ROBO2: variants seen among roughly 807,000 people sequenced by gnomAD.
ROBO2 encodes the protein roundabout guidance receptor 2, also known as roundabout homolog 2.
In ROBO2, 53 loss-of-function variants were observed where a neutral mutation model predicts 160.8. The ratio of observed to expected loss-of-function variants is 0.33; its 90% confidence interval spans 0.26 to 0.41. ROBO2 has a LOEUF of 0.41. Among genes scored for constraint, ROBO2 ranks in the 10% least tolerant of loss-of-function variants. The pLI is 1.00. For synonymous variants in ROBO2, 664 were observed against 611.7 expected (o/e 1.09, Z -1.26); for missense variants, 1,577 against 1,722.4 (o/e 0.92, Z 1.49).
chr3:77,125,375 C>T (rs981569519), intron 2 of ROBO2, among the ~76,000 whole-genome samples: 1 of 152,108 alleles, frequency 6.6e-6, no homozygotes, highest in African/African-American at 2.4e-5. Context: ...CTGTCCAGGA[C>T]TTATATCATC....
At position 76,932,124 on chromosome 3, in the gene ROBO2, C is replaced by CA. The variant is rs965420688; in HGVS notation, c.110-165882dup. Among the ~76,000 whole-genome samples, 59 of 151,060 alleles carry CA rather than the reference C, an allele frequency of 3.9e-4. No homozygotes were observed. In the East Asian group the frequency reaches 6.8e-3, roughly 17 times the overall value. ...CTTAGGACTTCCAAACATAGACTACCAAAAAAAATGGCATATAAAAAATAA... is the reference window on the plus strand; with the variant it reads ...CTTAGGACTTCCAAACATAGACTACCAAAAAAAAATGGCATATAAAAAATAA... On this transcript the variant is annotated intron_variant, in intron 2 of 26. Coordinates refer to the ROBO2 transcript ENST00000487694.
chr3:77,122,412 C>T (rs1330273988), intron 2 of ROBO2, among the ~76,000 whole-genome samples: 3 of 152,104 alleles, frequency 2.0e-5, no homozygotes, highest in African/African-American at 4.8e-5. Flanking sequence ...TCATCCATGC[C>T]GATGTGTAAA....
At chr3:77,392,581 A>G (rs753442757) in intron 2 of ROBO2, among the ~76,000 whole-genome samples, 1 of 152,176 alleles carries the variant, frequency 6.6e-6, no homozygotes, top group Non-Finnish European at 1.5e-5. Context: ...TGCAGTAATA[A>G]ATATGTGTTC....
chr3:77,510,466 G>A (rs1244622577), intron 5 of ROBO2, among the ~76,000 whole-genome samples: 1 of 152,036 alleles, frequency 6.6e-6, no homozygotes, highest in Non-Finnish European at 1.5e-5. Flanking sequence ...CAAAGGCAGA[G>A]CCATTTCAAA....
At chr3:76,792,541 A>T (rs1388857359) in intron 2 of ROBO2, among the ~76,000 whole-genome samples, 1 of 151,782 alleles carries the variant, frequency 6.6e-6, no homozygotes, top group Non-Finnish European at 1.5e-5. Context: ...GTTCCTTTTA[A>T]TTATAAATAA....
At chr3:75,959,466 A>C (rs995722591) in intron 2 of ROBO2, among the ~76,000 whole-genome samples, 1 of 151,768 alleles carries the variant, frequency 6.6e-6, no homozygotes. Flanking sequence ...GGTCTCTAGG[A>C]TGGAGCTACA....
chr3:76,006,247 T>A (rs979512749), intron 2 of ROBO2, among the ~76,000 whole-genome samples: 2 of 152,174 alleles, frequency 1.3e-5, no homozygotes, highest in Non-Finnish European at 2.9e-5. Context: ...TTGAATTTGT[T>A]ACTTGAAGTG....
chr3:77,047,144 A>T (rs1285818494), intron 1 of ROBO2, among the ~76,000 whole-genome samples: 1 of 152,190 alleles, frequency 6.6e-6, no homozygotes, highest in Non-Finnish European at 1.5e-5. Context: ...GTAACCAGAA[A>T]AATGGCATGA....
At chr3:77,269,769 C>T (rs948967729) in intron 2 of ROBO2, among the ~76,000 whole-genome samples, 1 of 152,104 alleles carries the variant, frequency 6.6e-6, no homozygotes, top group Non-Finnish European at 1.5e-5. Context: ...TGCTAATATT[C>T]TGCTTACCAT....
At chr3:76,312,756 A>T (rs1261748212) in intron 2 of ROBO2, among the ~76,000 whole-genome samples, 1 of 152,222 alleles carries the variant, frequency 6.6e-6, no homozygotes, top group Non-Finnish European at 1.5e-5. Flanking sequence ...GTCAGTACCT[A>T]TAGCATGTCA....
At chr3:77,248,322 C>T (rs1165072261) in intron 2 of ROBO2, among the ~76,000 whole-genome samples, 1 of 152,074 alleles carries the variant, frequency 6.6e-6, no homozygotes, top group African/African-American at 2.4e-5. Context: ...AACTCGGGTG[C>T]CACGAGTGTG....
At chr3:77,639,295 CA>C (rs1197725449) in intron 24 of ROBO2, among the ~76,000 whole-genome samples, 3 of 152,036 alleles carry the variant, frequency 2.0e-5, no homozygotes, top group Non-Finnish European at 4.4e-5. Flanking sequence ...GCCAAACAGA[CA>C]AAATCCCCTG....
At chr3:77,632,655 AG>A in intron 23 of ROBO2, 1 of 1,532,864 alleles carries the variant, frequency 6.5e-7, no homozygotes, top group South Asian at 1.2e-5. Flanking sequence ...TTACAAGAAC[AG>A]GTTGGTAGAC....
chr3:77,435,938 T>C (rs184663836), intron 2 of ROBO2, among the ~76,000 whole-genome samples: 1 of 150,812 alleles, frequency 6.6e-6, no homozygotes, highest in African/African-American at 2.4e-5. Flanking sequence ...GTCCTGGGAG[T>C]CTCTGAAGAA....
intron 2 of ROBO2, among the ~76,000 whole-genome samples, chr3:76,177,135 A>G (rs1277475700): frequency 1.3e-5 from 2 of 152,112 alleles, no homozygotes; most frequent in African/African-American, 2.4e-5. Flanking sequence ...ACTCATTGCC[A>G]TTTTTTATGT....
At chr3:77,249,863 C>A (rs1385908941) in intron 2 of ROBO2, among the ~76,000 whole-genome samples, 1 of 150,730 alleles carries the variant, frequency 6.6e-6, no homozygotes, top group Non-Finnish European at 1.5e-5. Flanking sequence ...AAAACTAAGA[C>A]CTGGCTATAA....
intron 2 of ROBO2, among the ~76,000 whole-genome samples, chr3:76,580,340 G>T (rs151142030): frequency 0.096 from 3,642 of 37,818 alleles, 42 homozygotes; most frequent in Non-Finnish European, 0.1. Flanking sequence ...TTTTTTTTTT[G>T]TGTTTTTTTT....
intron 2 of ROBO2, among the ~76,000 whole-genome samples, chr3:76,046,144 G>C (rs549348434): frequency 1.6e-4 from 24 of 151,970 alleles, no homozygotes; most frequent in African/African-American, 5.8e-4. Context: ...TTGACTTTTG[G>C]AGTGTAAAGC....
At chr3:77,473,152 G>T (rs1420325170) in intron 2 of ROBO2, among the ~76,000 whole-genome samples, 1 of 152,058 alleles carries the variant, frequency 6.6e-6, no homozygotes, top group Non-Finnish European at 1.5e-5. Flanking sequence ...TAGAGGATTG[G>T]TTGGGGCAGG....
Sources: allele counts gnomAD v4.1 joint callset (sites outside exome capture counted in the v4.1 genomes callset), GRCh38; gene constraint gnomAD v4.1.1; transcripts MANE v1.5; gene names NCBI Gene and HGNC (gene_info 2026-07-23, HGNC 2026-07-21).